The following ZNF385D variants were observed in gnomAD, a reference collection of about 807,000 sequenced individuals.
ZNF385D encodes zinc finger protein 385D.
Under a neutral mutation model 35.8 loss-of-function variants are expected in ZNF385D, and 15 were observed. That is an observed-to-expected ratio of 0.42 (90% CI 0.28 to 0.64). The LOEUF (loss-of-function observed/expected upper bound fraction) is 0.64. Ranked by LOEUF, ZNF385D falls within the 30% of genes least tolerant of loss-of-function variation. ZNF385D has a pLI of 0.23. For missense variants in ZNF385D, 474 were observed against 494.6 expected, an observed-to-expected ratio of 0.96 and a Z score of 0.39; for synonymous variants, 212 against 186.8, an observed-to-expected ratio of 1.13 and a Z score of -1.10.
At chr3:22,057,120 A>C (rs779938582) in intron 3 of ZNF385D, among the ~76,000 whole-genome samples, 2 of 152,208 alleles carry the variant, frequency 1.3e-5, no homozygotes, top group Non-Finnish European at 2.9e-5. Flanking sequence ...CCTGTGTAAG[A>C]TATTTGTGTT....
At chr3:21,602,028 T>C (rs922148899) in intron 2 of ZNF385D, among the ~76,000 whole-genome samples, 1 of 152,176 alleles carries the variant, frequency 6.6e-6, no homozygotes, top group African/African-American at 2.4e-5. Flanking sequence ...GTAATTGACT[T>C]ACAGTTCCAC....
chr3:21,997,557 GA>G (rs35859359), intron 3 of ZNF385D, among the ~76,000 whole-genome samples: 34 of 145,222 alleles, frequency 2.3e-4, no homozygotes, highest in Non-Finnish European at 3.5e-4. Flanking sequence ...TATCTCTGCA[GA>G]AAAAAAAAAC....
At chr3:21,472,963 C>T (rs897132538) in intron 4 of ZNF385D, among the ~76,000 whole-genome samples, 1 of 151,768 alleles carries the variant, frequency 6.6e-6, no homozygotes, top group African/African-American at 2.4e-5. Context: ...TTTCAGAATA[C>T]CAAAAATCTA....
chr3:21,864,005 T>A (rs1188487716), intron 3 of ZNF385D, among the ~76,000 whole-genome samples: 2 of 152,162 alleles, frequency 1.3e-5, no homozygotes, highest in Non-Finnish European at 2.9e-5. Context: ...ATGATGCCGG[T>A]TCATGGATTA....
Position 21,922,546 on chromosome 3 carries a change from C to T in ZNF385D, c.325+246271G>A, listed in dbSNP as rs181565601. ...AAAAATAAGCAATGAGGAAAGGACT[C>T]CTATTCAATAAATTGTGTTGAGAAG... On this transcript the variant is annotated intron_variant, in intron 3 of 5. Transcript: ENST00000494108. 1.2e-4 allele frequency among the ~76,000 whole-genome samples: 18 copies of T among 152,214 alleles called. No homozygotes were observed. In the East Asian group the frequency reaches 3.5e-3, roughly 29 times the overall value.
rs183168098 is a variant in ZNF385D, at chr3:21,795,838, C to T, written c.326-130810G>A. Among the ~76,000 whole-genome samples the T allele has an allele frequency of 2.0e-3, 298 of 152,266 alleles. 1 individual carries two copies. Among genetic ancestry groups the T allele is most frequent in the Non-Finnish European group, 1.4e-3 (93 of 68,030 alleles). ...AATAGCACAGAAGAAGAATGACAGG[C>T]GCTATTCTCAATGGCAAACAGAAAA... On this transcript the variant is annotated intron_variant, in intron 3 of 5. Coordinates refer to the ZNF385D transcript ENST00000494108.
chr3:21,919,449 C>T (rs750678109), intron 3 of ZNF385D, among the ~76,000 whole-genome samples: 3 of 152,158 alleles, frequency 2.0e-5, no homozygotes, highest in Non-Finnish European at 2.9e-5. Flanking sequence ...GAACTGTGCA[C>T]TTAAGACCCG....
chr3:22,100,541 G>A (rs965308960), intron 3 of ZNF385D, among the ~76,000 whole-genome samples: 2 of 152,006 alleles, frequency 1.3e-5, no homozygotes, highest in African/African-American at 2.4e-5. Flanking sequence ...GTAGGGACAT[G>A]GATGAAATTG....
At chr3:22,202,634 G>C (rs1177688701) in intron 2 of ZNF385D, among the ~76,000 whole-genome samples, 3 of 152,064 alleles carry the variant, frequency 2.0e-5, no homozygotes, top group Non-Finnish European at 4.4e-5. Flanking sequence ...TCCTATCTTT[G>C]AAAGAGGAAC....
At chr3:21,742,679 C>T (rs1434743360) in intron 1 of ZNF385D, among the ~76,000 whole-genome samples, 1 of 152,196 alleles carries the variant, frequency 6.6e-6, no homozygotes, top group East Asian at 1.9e-4. Flanking sequence ...CCTGCTCCTG[C>T]CAGGAGGCCC....
At chr3:21,992,643 G>T (rs544465321) in intron 3 of ZNF385D, among the ~76,000 whole-genome samples, 8 of 152,050 alleles carry the variant, frequency 5.3e-5, no homozygotes, top group Non-Finnish European at 1.2e-4. Context: ...GCTAAAGTTC[G>T]CATTATTATA....
At chr3:21,665,687 T>C (rs75204058) in intron 1 of ZNF385D, among the ~76,000 whole-genome samples, 26 of 152,270 alleles carry the variant, frequency 1.7e-4, no homozygotes, top group Middle Eastern at 3.4e-3. Context: ...AGATGGCCAC[T>C]GTTGAGCAGG....
In ZNF385D at chr3:22,043,524, G is replaced by C. The variant is rs576797795; in HGVS notation, c.325+125293C>G. Among the ~76,000 whole-genome samples, 7 of 152,210 alleles carry C rather than the reference G, an allele frequency of 4.6e-5. No homozygotes were observed. In the South Asian group the frequency reaches 1.2e-3, roughly 27 times the overall value. On this transcript the variant is annotated intron_variant, in intron 3 of 5. Coordinates refer to the ZNF385D transcript ENST00000494108. ...TGTATATTGGTCAAAAACAGCAAGA[G>C]CAAGTAAATATTGAGTAACTATTAT... is the stretch of plus-strand genomic sequence containing the variant.
intron 2 of ZNF385D, among the ~76,000 whole-genome samples, chr3:21,654,318 G>T (rs916972472): frequency 6.6e-6 from 1 of 151,942 alleles, no homozygotes. Flanking sequence ...TGGAATAAGA[G>T]GTTATACTTC....
intron 3 of ZNF385D, among the ~76,000 whole-genome samples, chr3:22,019,767 GC>G (rs1344094213): frequency 4.0e-5 from 6 of 151,886 alleles, no homozygotes; most frequent in African/African-American, 1.4e-4. Context: ...AATCTATGCT[GC>G]GGGAACTGGG....
intron 3 of ZNF385D, among the ~76,000 whole-genome samples, chr3:21,971,654 C>T (rs1350101773): frequency 6.6e-6 from 1 of 150,648 alleles, no homozygotes; most frequent in Non-Finnish European, 1.5e-5. Context: ...ACTCTCAAAT[C>T]AAAAGACATA....
intron 1 of ZNF385D, among the ~76,000 whole-genome samples, chr3:21,699,096 C>A (rs1195137474): frequency 3.3e-5 from 5 of 152,156 alleles, no homozygotes; most frequent in African/African-American, 1.2e-4. Context: ...CCCAAATGTC[C>A]ATCAATGATA....
At chr3:21,474,840 A>C (rs577938019) in intron 4 of ZNF385D, among the ~76,000 whole-genome samples, 2 of 152,240 alleles carry the variant, frequency 1.3e-5, no homozygotes, top group South Asian at 4.1e-4. Flanking sequence ...CCTCATATTA[A>C]TGATTACATT....
chr3:22,097,391 T>G (rs530196659), intron 3 of ZNF385D, among the ~76,000 whole-genome samples: 1 of 151,380 alleles, frequency 6.6e-6, no homozygotes, highest in East Asian at 1.9e-4. Context: ...TTAGTGGGAG[T>G]CTAAGATTCT....
Sources: gnomAD v4.1 joint callset for allele counts (sites outside exome capture counted in the v4.1 genomes callset) on GRCh38, gnomAD v4.1.1 for gene constraint, MANE v1.5 for transcripts, NCBI Gene and HGNC (gene_info 2026-07-23, HGNC 2026-07-21) for gene names.